The following DRC7 variants were observed in gnomAD, a reference collection of about 807,000 sequenced individuals.
The protein encoded by DRC7 is dynein regulatory complex subunit 7.
DRC7 carries 80 observed loss-of-function variants against 104.4 expected under a neutral mutation model. That is an observed-to-expected ratio of 0.77 (90% CI 0.64 to 0.92). The LOEUF is 0.92. Among genes scored for constraint, DRC7 ranks in the 40% least tolerant of loss-of-function variants. DRC7 has a pLI of 0.00. For synonymous variants in DRC7, 405 were observed against 447.3 expected, an observed-to-expected ratio of 0.91 and a Z score of 1.19; for missense variants, 1,034 against 1,141.1, an observed-to-expected ratio of 0.91 and a Z score of 1.35.
chr16:57,706,042 A>C (rs1357119031), intron 7 of DRC7, among the ~76,000 whole-genome samples: 3 of 89,548 alleles, frequency 3.4e-5, no homozygotes, highest in African/African-American at 4.6e-5. Context: ...CCATCCACCC[A>C]TCCTCCCATC....
At chr16:57,697,057 C>T (rs549973042) in intron 2 of DRC7, among the ~76,000 whole-genome samples, 22 of 152,134 alleles carry the variant, frequency 1.4e-4, no homozygotes, top group South Asian at 1.2e-3. Context: ...GGATTACAGG[C>T]GTGTGCCACC....
chr16:57,721,043 C>A (rs1283539426), intron 9 of DRC7, among the ~76,000 whole-genome samples: 1 of 151,928 alleles, frequency 6.6e-6, no homozygotes, highest in Non-Finnish European at 1.5e-5. Flanking sequence ...CTCCCCCGGC[C>A]GTCTCTACTA....
chr16:57,717,107 G>A (rs1421064760), intron 8 of DRC7, among the ~76,000 whole-genome samples: 3 of 150,946 alleles, frequency 2.0e-5, no homozygotes, highest in Non-Finnish European at 4.4e-5. Context: ...GCAGTGAGCC[G>A]AGATCATACC....
rs140152877 is a variant in DRC7, at chr16:57,723,127, C to T, written c.1534C>T (p.Arg512Cys). Reference sequence around the variant, plus strand: ...CAAGCCTGGCCACCCCCAGGCTCTGCGCGGTGCGTGGCTCCCCTTTCCTGG... The same window carrying T: ...CAAGCCTGGCCACCCCCAGGCTCTGTGCGGTGCGTGGCTCCCCTTTCCTGG... Reference protein sequence around the residue: ...YFKPGHPQALRVHSYKSMQPE... With the variant: ...YFKPGHPQALCVHSYKSMQPE... Residue 512 changes from arginine (R) to cysteine (C), a missense_variant, in exon 12 of 19, where the codon CGC (arginine) becomes TGC (cysteine). By Grantham distance (180) the Arg-to-Cys change is radical (BLOSUM62 -3). Coordinates refer to ENST00000360716, the MANE Select transcript of DRC7 (RefSeq NM_001289162.2). 85 of 1,613,442 alleles carry T rather than the reference C, an allele frequency of 5.3e-5. 1 individual carries two copies. In the African/African-American group the frequency reaches 7.6e-4, roughly 14 times the overall value.
At chr16:57,717,308 C>T (rs529165399) in intron 8 of DRC7, among the ~76,000 whole-genome samples, 37 of 143,234 alleles carry the variant, frequency 2.6e-4, no homozygotes, top group African/African-American at 8.6e-4. Flanking sequence ...GTTCACAGCT[C>T]GCTGCAGCCT....
At chr16:57,722,932 G>T in intron 11 of DRC7, 70 bp from the exon 12 acceptor site, 1 of 1,612,672 alleles carries the variant, frequency 6.2e-7, no homozygotes, top group Non-Finnish European at 8.5e-7. Context: ...GCCTCTGTGT[G>T]CCTGGAATAA....
At chr16:57,726,450 T>C (rs2048966902) in intron 14 of DRC7, 167 bp downstream of exon 14, 5 of 632,138 alleles carry the variant, frequency 7.9e-6, no homozygotes, top group Non-Finnish European at 1.4e-5. Flanking sequence ...GGGACCCTTC[T>C]CTTTGAGCTC....
At position 57,698,969 on chromosome 16, in the gene DRC7, T is replaced by C. The variant is rs750086657; in HGVS notation, c.323T>C (p.Leu108Pro). 1.9e-5 allele frequency: 30 copies of C among 1,614,130 alleles called. No homozygotes were observed. The highest frequency in any genetic ancestry group is 2.5e-5 in the Non-Finnish European group (29 of 1,180,050). The change falls in exon 4 of 19, where the codon CTG becomes CCG. Residue 108 changes from leucine (L) to proline (P), a missense_variant. Leu to Pro is a moderately conservative substitution (Grantham distance 98). Coordinates refer to ENST00000360716, the MANE Select transcript of DRC7 (RefSeq NM_001289162.2). ...AACTTCTCCCGCCAGTACAGCCATC[T>C]GTGCCCGGACCGCGTGCCCCTCTTC... ...ADNFSRQYSH[L>P]CPDRVPLFLH...
At chr16:57,698,804 G>C (rs780109275) in intron 3 of DRC7, 46 bp from the exon 4 acceptor site, 2 of 1,588,772 alleles carry the variant, frequency 1.3e-6, no homozygotes, top group South Asian at 1.1e-5. Context: ...CAGGGCTCCT[G>C]TGTGCCAGGC....
chr16:57,707,610 G>A lies in DRC7; in HGVS notation c.1009G>A (p.Gly337Ser), dbSNP rs779108833. ...CAGCACCCAGGATGAGCACTTCCTG[G>A]GCATCGAAAGCCTGTGGAACCACAA... is the stretch of plus-strand genomic sequence containing the variant. ...SYSTQDEHFL[G>S]IESLWNHKNY... Residue 337 changes from glycine (G) to serine (S), a missense_variant, in exon 8 of 19, where the codon GGC (glycine) becomes AGC (serine). Coordinates refer to ENST00000360716, the MANE Select transcript of DRC7 (RefSeq NM_001289162.2). The A allele has an allele frequency of 3.1e-6, 5 of 1,613,534 alleles. No homozygotes were observed. The highest frequency in any genetic ancestry group is 2.2e-5 in the South Asian group (2 of 91,082).
chr16:57,697,040 G>T (rs2048599925), intron 2 of DRC7, among the ~76,000 whole-genome samples: 1 of 152,068 alleles, frequency 6.6e-6, no homozygotes, highest in African/African-American at 2.4e-5. Context: ...AGACTCCTGA[G>T]TAGCTGGGAT....
At chr16:57,698,272 T>G in intron 3 of DRC7, 120 bp downstream of exon 3, 1 of 1,453,650 alleles carries the variant, frequency 6.9e-7, no homozygotes, top group Non-Finnish European at 9.3e-7. Context: ...GAAGCAGTTA[T>G]GAGTGAAGGC....
intron 12 of DRC7, among the ~76,000 whole-genome samples, chr16:57,723,779 A>G (rs1250333682): frequency 4.5e-5 from 6 of 132,638 alleles, no homozygotes; most frequent in Non-Finnish European, 9.3e-5. Context: ...AAAGCATAGG[A>G]GTAATATACA....
chr16:57,707,329 C>T, intron 7 of DRC7, 131 bp from the exon 8 acceptor site: 1 of 762,120 alleles, frequency 1.3e-6, no homozygotes, highest in Non-Finnish European at 2.1e-6. Context: ...GGCCGTCACA[C>T]TCCGGTTGAT....
At chr16:57,722,180 G>A (rs1288501984) in intron 10 of DRC7, among the ~76,000 whole-genome samples, 2 of 152,148 alleles carry the variant, frequency 1.3e-5, no homozygotes, top group Non-Finnish European at 2.9e-5. Context: ...CCCACCTAGG[G>A]AGCACCCAGA....
chr16:57,698,875 A>G lies in DRC7; in HGVS notation c.229A>G (p.Ile77Val), dbSNP rs759884738. The change falls in exon 4 of 19, where the codon ATC becomes GTC. Residue 77 changes from isoleucine to valine, a missense_variant. By Grantham distance (29) the Ile-to-Val change is conservative (BLOSUM62 3). Transcript: ENST00000360716. ...LPAFTKDTID[I>V]SKLPISYKTN... ...GGCCTTTACCAAGGACACTATTGAC[A>G]TCTCCAAGCTGCCCATTTCCTACAA... 6.2e-7 allele frequency: 1 copy of G among 1,614,054 alleles called. No homozygotes were observed. The highest frequency in any genetic ancestry group is 8.5e-7 in the Non-Finnish European group (1 of 1,179,958).
In DRC7 at chr16:57,731,669, C is replaced by T. The variant is rs2049063279; in HGVS notation, c.*411C>T. On this transcript the variant is annotated 3_prime_UTR_variant, in exon 19 of 19. Transcript: ENST00000360716. ...TCAATGTGACTAGGGTGGCCCACCT[C>T]ACCAAGTGGGATGGGGAAGGCTAAG... 2 of 187,452 alleles carry T rather than the reference C, an allele frequency of 1.1e-5. No homozygotes were observed. The highest frequency in any genetic ancestry group is 1.1e-4 in the Admixed American group (2 of 17,754). The allele number at this position is 187,452 out of a possible 1,614,324, so 11.6% of individuals were successfully genotyped here.
chr16:57,697,159 T>A (rs536898101), intron 2 of DRC7, among the ~76,000 whole-genome samples: 8 of 152,220 alleles, frequency 5.3e-5, no homozygotes, highest in South Asian at 2.1e-4. Flanking sequence ...GTGATCCACC[T>A]GCCTCGGCCT....
At chr16:57,729,437 G>C (rs1597815772) in intron 17 of DRC7, among the ~76,000 whole-genome samples, 1 of 138,380 alleles carries the variant, frequency 7.2e-6, no homozygotes, top group South Asian at 2.5e-4. Context: ...TGGGTGGATA[G>C]ATGGATGGAT....
Sources: allele counts gnomAD v4.1 joint callset (sites outside exome capture counted in the v4.1 genomes callset), GRCh38; gene constraint gnomAD v4.1.1; transcripts MANE v1.5; gene names NCBI Gene and HGNC (gene_info 2026-07-23, HGNC 2026-07-21).